Variants in FOXP2 observed in about 807,000 individuals in gnomAD.
The protein encoded by FOXP2 is forkhead box P2.
A neutral mutation model predicts 115.8 loss-of-function variants in FOXP2; 12 were observed. The ratio of observed to expected loss-of-function variants is 0.10; its 90% CI spans 0.07 to 0.17. The LOEUF (loss-of-function observed/expected upper bound fraction) is 0.17. Among genes scored for constraint, FOXP2 ranks in the 10% least tolerant of loss-of-function variants. FOXP2 has a pLI of 1.00. For missense variants in FOXP2, 629 were observed against 843.5 expected (o/e 0.75, Z 3.15); for synonymous variants, 328 against 297.7 (o/e 1.10, Z -1.05).
Position 114,142,032 on chromosome 7 carries a change from G to T in FOXP2, c.-246-20912G>T, listed in dbSNP as rs200419824. On this transcript the variant is annotated intron_variant, in intron 1 of 19. Coordinates refer to the FOXP2 transcript ENST00000635638. ...TAGAAATGTTTTAAAGAATTAGATT[G>T]TTTTTTTTTTAGACTGAGTCTCGCT... Among the ~76,000 whole-genome samples the T allele has an allele frequency of 1.4e-4, 17 of 118,832 alleles. No homozygotes were observed. The East Asian group carries it at 4.6e-3, about 32-fold the overall frequency. The allele number at this position is 118,832 out of a possible 152,430, so 78.0% of individuals were successfully genotyped here.
At chr7:114,283,682 C>T (rs1453284119) in intron 1 of FOXP2, among the ~76,000 whole-genome samples, 1 of 152,014 alleles carries the variant, frequency 6.6e-6, no homozygotes, top group Non-Finnish European at 1.5e-5. Flanking sequence ...ATCACCTAGG[C>T]TGGGCATAGT....
At chr7:114,326,888 A>T (rs1459204251) in intron 2 of FOXP2, among the ~76,000 whole-genome samples, 2 of 152,210 alleles carry the variant, frequency 1.3e-5, no homozygotes, top group African/African-American at 2.4e-5. Context: ...TAGGGATAAT[A>T]TAGTCAGTAG....
At chr7:114,109,173 A>C (rs1173897994) in intron 1 of FOXP2, among the ~76,000 whole-genome samples, 1 of 151,134 alleles carries the variant, frequency 6.6e-6, no homozygotes, top group African/African-American at 2.5e-5. Context: ...GAACATGGTC[A>C]ATGTTTTGTT....
chr7:114,501,880 A>T (rs1051272085), intron 2 of FOXP2, among the ~76,000 whole-genome samples: 3 of 152,072 alleles, frequency 2.0e-5, no homozygotes, highest in African/African-American at 7.2e-5. Flanking sequence ...TTTATATAAC[A>T]GTCTTAGGGA....
chr7:114,297,918 G>C (rs988032398), intron 2 of FOXP2, among the ~76,000 whole-genome samples: 3 of 152,094 alleles, frequency 2.0e-5, no homozygotes, highest in African/African-American at 7.2e-5. Context: ...TAGTGTTCCA[G>C]TGCCGTTATA....
chr7:114,593,940 C>A (rs1242663843), intron 3 of FOXP2, among the ~76,000 whole-genome samples: 2 of 151,936 alleles, frequency 1.3e-5, no homozygotes, highest in East Asian at 3.9e-4. Context: ...TTAGAAAGAT[C>A]TTTACCTAAG....
intron 2 of FOXP2, among the ~76,000 whole-genome samples, chr7:114,306,647 G>T (rs1391697515): frequency 3.3e-5 from 5 of 151,894 alleles, no homozygotes; most frequent in African/African-American, 1.2e-4. Flanking sequence ...TGCAAACTCA[G>T]TGATTTAAGA....
intron 2 of FOXP2, among the ~76,000 whole-genome samples, chr7:114,367,587 G>T (rs1217089012): frequency 6.6e-6 from 1 of 152,056 alleles, no homozygotes; most frequent in Non-Finnish European, 1.5e-5. Flanking sequence ...TAAAATTAGT[G>T]CTTTGGAATA....
intron 1 of FOXP2, among the ~76,000 whole-genome samples, chr7:114,124,969 T>G (rs1422976348): frequency 6.6e-6 from 1 of 152,054 alleles, no homozygotes; most frequent in Non-Finnish European, 1.5e-5. Context: ...AATATAAGCA[T>G]TAAATTAACT....
At chr7:114,307,408 T>A (rs1005876546) in intron 2 of FOXP2, among the ~76,000 whole-genome samples, 7 of 152,112 alleles carry the variant, frequency 4.6e-5, no homozygotes, top group African/African-American at 1.4e-4. Context: ...GTTAATGACA[T>A]GCACAATGGA....
chr7:114,169,319 C>T (rs367717161), intron 1 of FOXP2, among the ~76,000 whole-genome samples: 148 of 152,318 alleles, frequency 9.7e-4, no homozygotes, highest in Middle Eastern at 3.4e-3. Flanking sequence ...GGCAGAGCTG[C>T]CCAAGACCAT....
chr7:114,101,910 TG>T, intron 1 of FOXP2, among the ~76,000 whole-genome samples: 1 of 148,542 alleles, frequency 6.7e-6, no homozygotes. Flanking sequence ...TGTGTGTGTG[TG>T]TGTGTGTGTG....
intron 1 of FOXP2, among the ~76,000 whole-genome samples, chr7:114,131,845 T>C (rs1313349028): frequency 6.6e-6 from 1 of 152,194 alleles, no homozygotes; most frequent in Non-Finnish European, 1.5e-5. Flanking sequence ...TAGTCTTTTT[T>C]TGTAACTATC....
At chr7:114,255,623 T>G (rs1795590153) in intron 1 of FOXP2, among the ~76,000 whole-genome samples, 1 of 152,088 alleles carries the variant, frequency 6.6e-6, no homozygotes, top group Admixed American at 6.6e-5. Flanking sequence ...TGGTGTGGCG[T>G]TTGTTAAGAC....
chr7:114,364,501 T>A (rs1791829798), intron 2 of FOXP2, among the ~76,000 whole-genome samples: 1 of 152,206 alleles, frequency 6.6e-6, no homozygotes, highest in South Asian at 2.1e-4. Context: ...CATGGTTGTT[T>A]ATATTCAATT....
intron 2 of FOXP2, among the ~76,000 whole-genome samples, chr7:114,506,082 G>C (rs1168980851): frequency 1.3e-5 from 2 of 151,636 alleles, no homozygotes; most frequent in Non-Finnish European, 3.0e-5. Flanking sequence ...ACCTGCAAAA[G>C]TATGTAGCAC....
chr7:114,498,027 T>G (rs1340549414), intron 2 of FOXP2, among the ~76,000 whole-genome samples: 1 of 152,176 alleles, frequency 6.6e-6, no homozygotes, highest in East Asian at 1.9e-4. Context: ...TTTTATTCTC[T>G]GAAACATCCA....
intron 2 of FOXP2, among the ~76,000 whole-genome samples, chr7:114,485,594 C>G (rs182249169): frequency 1.3e-5 from 2 of 151,966 alleles, no homozygotes; most frequent in Admixed American, 6.6e-5. Flanking sequence ...CAATATTACA[C>G]TTGCTGTGTA....
chr7:114,249,265 T>C (rs1284504890), intron 1 of FOXP2, among the ~76,000 whole-genome samples: 2 of 152,184 alleles, frequency 1.3e-5, no homozygotes, highest in African/African-American at 4.8e-5. Context: ...GTTTGTTACA[T>C]AGGTAAACGT....
Sources: gnomAD v4.1 joint callset for allele counts (sites outside exome capture counted in the v4.1 genomes callset) on GRCh38, gnomAD v4.1.1 for gene constraint, MANE v1.5 for transcripts, NCBI Gene and HGNC (gene_info 2026-07-23, HGNC 2026-07-21) for gene names.